KNDC1: variants seen among roughly 807,000 people sequenced by gnomAD.
KNDC1 encodes kinase non-catalytic C-lobe domain-containing protein 1.
Under a neutral mutation model 172.8 loss-of-function variants are expected in KNDC1, and 106 were observed. The ratio of observed to expected loss-of-function variants is 0.61; its 90% CI spans 0.52 to 0.72. KNDC1 has a LOEUF of 0.72. KNDC1 is among the 30% of genes least tolerant of loss of function. The pLI is 0.00. For missense variants in KNDC1, 2,325 were observed against 2,394.5 expected (o/e 0.97, Z 0.61); for synonymous variants, 1,083 against 1,062.2 (o/e 1.02, Z -0.38).
At chr10:133,174,617 T>C (rs1853473886) in intron 3 of KNDC1, among the ~76,000 whole-genome samples, 1 of 146,380 alleles carries the variant, frequency 6.8e-6, no homozygotes, top group Non-Finnish European at 1.6e-5. Flanking sequence ...GGTGGATGGA[T>C]AGGTGGATAG....
chr10:133,219,136 C>T (rs1181067007), intron 28 of KNDC1, 46 bp downstream of exon 28: 6 of 1,589,040 alleles, frequency 3.8e-6, no homozygotes, highest in African/African-American at 2.7e-5. Context: ...CCCCGAGGCC[C>T]TCTCCTAAAC....
chr10:133,198,410 T>A lies in KNDC1; in HGVS notation c.1980T>A (p.Gly660=). 2 of 1,601,804 alleles carry A rather than the reference T, an allele frequency of 1.2e-6. No individual in the cohort carries two copies. Among genetic ancestry groups the A allele is most frequent in the Non-Finnish European group, 1.7e-6 (2 of 1,175,044 alleles). Residue 660 remains glycine, a synonymous_variant, in exon 13 of 30, where the codon GGT becomes GGA. Transcript: ENST00000304613. ...PGPVPGQHPC[G]EEATQLPAAF... ...CCGTGCCCGGCCAGCACCCCTGCGG[T>A]GAAGAAGCCACCCAGCTGCCTGCAG...
Position 133,220,050 on chromosome 10 carries a change from C to T in KNDC1, c.4956C>T (p.Ile1652=), listed in dbSNP as rs1845550454. The T allele has an allele frequency of 1.3e-6, 2 of 1,562,228 alleles. No homozygotes were observed. The highest frequency in any genetic ancestry group is 1.9e-5 in the Admixed American group (1 of 52,322). The change falls in exon 29 of 30, where the codon ATC becomes ATT. Residue 1652 remains isoleucine (I), a synonymous_variant. Coordinates refer to ENST00000304613, the MANE Select transcript of KNDC1 (RefSeq NM_152643.8). The stretch of plus-strand genomic sequence containing the variant: ...CGGCCCACCTCCTGGCCATGCACAT[C>T]CAGCAGCTGGAGACAGGCGGCTTCA... ...LPSAHLLAMH[I]QQLETGGFTM...
chr10:133,196,074 C>T (rs533926932), intron 10 of KNDC1, among the ~76,000 whole-genome samples: 1 of 152,370 alleles, frequency 6.6e-6, no homozygotes, highest in African/African-American at 2.4e-5. Flanking sequence ...CATGGCCGTT[C>T]CTCCTGCGGA....
At chr10:133,187,556 A>G (rs916766926) in intron 6 of KNDC1, among the ~76,000 whole-genome samples, 5 of 152,236 alleles carry the variant, frequency 3.3e-5, no homozygotes, top group Non-Finnish European at 5.9e-5. Context: ...ACAAGGGCGC[A>G]GTGCCCCGTC....
chr10:133,184,208 G>A lies in KNDC1; in HGVS notation c.625+219G>A, dbSNP rs934931983. 2.5e-3 allele frequency among the ~76,000 whole-genome samples: 299 copies of A among 120,384 alleles called. 1 individual carries two copies. The highest frequency in any genetic ancestry group is 7.9e-3 in the African/African-American group (250 of 31,484). 79.0% of individuals were successfully genotyped at this position (120,384 alleles called of 152,430 possible). On this transcript the variant is annotated intron_variant, in intron 5 of 29. Transcript: ENST00000304613. ...CACACCTATGCACATGCACACCCAT[G>A]CTGCACACACCCATGCACACACACC...
intron 17 of KNDC1, 195 bp downstream of exon 17, chr10:133,202,093 C>T: frequency 2.8e-6 from 2 of 726,048 alleles, no homozygotes; most frequent in Non-Finnish European, 4.9e-6. Flanking sequence ...CGTCTAGGGA[C>T]AGGCTCGTCT....
chr10:133,214,035 G>C lies in KNDC1; in HGVS notation c.4590G>C (p.Gln1530His). The C allele has an allele frequency of 6.2e-7, 1 of 1,614,216 alleles. No individual in the cohort carries two copies. Among genetic ancestry groups the C allele is most frequent in the South Asian group, 1.1e-5 (1 of 91,086 alleles). The change falls in exon 26 of 30, where the codon CAG becomes CAC. Residue 1530 changes from glutamine (Q) to histidine (H), a missense_variant. Gln to His is a conservative substitution (Grantham distance 24). Transcript: ENST00000304613. ...GCTTATTTCTGCCCAATTACGTTCA[G>C]GACAAGTATCTGTTACAGCTTCTAA... ...TCSLFLPNYV[Q>H]DKYLLQLLRN...
chr10:133,185,285 T>A (rs1853858879), intron 5 of KNDC1, among the ~76,000 whole-genome samples: 1 of 148,948 alleles, frequency 6.7e-6, no homozygotes, highest in Non-Finnish European at 1.5e-5. Context: ...CAGTGTGGAA[T>A]AGGCAGTGTG....
rs1386401672 is a variant in KNDC1 at position 133,224,812 on chromosome 10, C to A, written c.5172C>A (p.Asn1724Lys). Residue 1724 changes from asparagine to lysine, a missense_variant, in exon 30 of 30, where the codon AAC becomes AAA. Transcript: ENST00000304613. This position sits in a 1 kb window ranked among gnomAD's most constrained non-coding sequence, Gnocchi z 5.4. ...CACTCGCCGCAGATAGCAGGGCCAA[C>A]TTCCACCAGGTCTCCAGCGAGAAGC... Reference protein sequence around the residue: ...ISTLAADSRANFHQVSSEKHS... With the variant: ...ISTLAADSRAKFHQVSSEKHS... The A allele has an allele frequency of 1.9e-6, 3 of 1,614,164 alleles. No homozygotes were observed. The highest frequency in any genetic ancestry group is 1.7e-5 in the Admixed American group (1 of 60,030).
chr10:133,177,323 G>A (rs945922939), intron 3 of KNDC1, among the ~76,000 whole-genome samples: 16 of 152,138 alleles, frequency 1.1e-4, no homozygotes, highest in South Asian at 2.1e-4. Context: ...TGTATGTAGC[G>A]TGGTGTCATG....
intron 29 of KNDC1, among the ~76,000 whole-genome samples, chr10:133,221,169 C>G (rs550234954): frequency 6.6e-6 from 1 of 152,186 alleles, no homozygotes; most frequent in South Asian, 2.1e-4. Context: ...CTGTCCTGAC[C>G]GCTGGGTGCC....
chr10:133,212,123 T>C (rs1423759784), intron 23 of KNDC1, among the ~76,000 whole-genome samples: 1 of 151,606 alleles, frequency 6.6e-6, no homozygotes, highest in South Asian at 2.1e-4. Flanking sequence ...AATCCACACG[T>C]GCACACGCAC....
Position 133,198,836 on chromosome 10 carries a change from A to T in KNDC1, c.2328A>T (p.Ala776=). Residue 776 remains alanine (A), a synonymous_variant, in exon 14 of 30, where the codon GCA becomes GCT. Transcript: ENST00000304613. ...PANQPEGASS[A]APGSPVPAPP... is the part of the protein sequence containing the mutation. Reference sequence around the variant, plus strand: ...ACCAGCCAGAGGGGGCCTCATCGGCAGCTCCCGGCTCTCCAGTCCCCGCCC... The same window carrying T: ...ACCAGCCAGAGGGGGCCTCATCGGCTGCTCCCGGCTCTCCAGTCCCCGCCC... 1.3e-6 allele frequency: 2 copies of T among 1,599,522 alleles called. No homozygotes were observed. The highest frequency in any genetic ancestry group is 1.7e-6 in the Non-Finnish European group (2 of 1,175,068).
At chr10:133,162,222 A>C (rs748103495) in intron 1 of KNDC1, among the ~76,000 whole-genome samples, 4 of 152,110 alleles carry the variant, frequency 2.6e-5, no homozygotes, top group African/African-American at 4.8e-5. Context: ...AACACACCCC[A>C]TGTCTCAGAA....
chr10:133,212,922 G>T lies in KNDC1; in HGVS notation c.4443G>T (p.Gln1481His), dbSNP rs749197860. 1.2e-6 allele frequency: 2 copies of T among 1,609,290 alleles called. No individual in the cohort carries two copies. Among genetic ancestry groups the T allele is most frequent in the Admixed American group, 3.3e-5 (2 of 59,830 alleles). Reference protein sequence around the residue: ...QLFSQLTLLQQELFQKCHPVH... With the variant: ...QLFSQLTLLQHELFQKCHPVH... ...TCAGCCAGCTCACGCTGCTACAGCA[G>T]GTGAGGAGGGCGAGGATCTGCGCCC... The change falls in exon 24 of 30, where the codon CAG (glutamine) becomes CAT (histidine). Residue 1481 changes from glutamine to histidine, a missense_variant and splice_region_variant. Gln to His is a conservative substitution (Grantham distance 24). Transcript: ENST00000304613.
chr10:133,201,475 C>G, intron 16 of KNDC1, 26 bp from the exon 17 acceptor site: 7 of 1,566,024 alleles, frequency 4.5e-6, no homozygotes, highest in Non-Finnish European at 6.0e-6. Flanking sequence ...CCACTGTCCA[C>G]GTAACCTGCG....
In KNDC1 at chr10:133,160,476, C is replaced by T; in HGVS notation, c.9C>T (p.Ala3=). Residue 3 remains alanine, a synonymous_variant, in exon 1 of 30, where the codon GCC becomes GCT. Transcript: ENST00000304613. MQ[A]MDPAAADLYE... is the part of the protein sequence containing the mutation. ...CGCGGCGCGGCCGCAGGATGCAGGCCATGGACCCGGCCGCGGCGGATCTTT... is the reference window on the plus strand; with the variant it reads ...CGCGGCGCGGCCGCAGGATGCAGGCTATGGACCCGGCCGCGGCGGATCTTT... 6.3e-7 allele frequency: 1 copy of T among 1,579,950 alleles called. No homozygotes were observed. Among genetic ancestry groups the T allele is most frequent in the South Asian group, 1.2e-5 (1 of 86,824 alleles).
rs1356500365 is a variant in KNDC1 at position 133,186,612 on chromosome 10, C to G, written c.1264C>G (p.Pro422Ala). 1 of 1,598,656 alleles carries G rather than the reference C, an allele frequency of 6.3e-7. No individual in the cohort carries two copies. The highest frequency in any genetic ancestry group is 2.2e-5 in the East Asian group (1 of 44,848). The part of the protein sequence containing the change: ...PRDASGEAQT[P>A]RDDERIPEGA... ...AGATGCTAGCGGTGAAGCCCAGACT[C>G]CCAGGGACGATGAGAGAATTCCAGA... Residue 422 changes from proline to alanine, a missense_variant, in exon 6 of 30, where the codon CCC (proline) becomes GCC (alanine). By Grantham distance (27) the Pro-to-Ala change is conservative. Transcript: ENST00000304613.
Sources: allele counts gnomAD v4.1 joint callset (sites outside exome capture counted in the v4.1 genomes callset), GRCh38; gene constraint gnomAD v4.1.1; non-coding constraint Gnocchi (gnomAD v3.1); transcripts MANE v1.5; gene names NCBI Gene and HGNC (gene_info 2026-07-23, HGNC 2026-07-21).